ANKRD44: variants seen among roughly 807,000 people sequenced by gnomAD.
The protein encoded by ANKRD44 is ankyrin repeat domain 44.
In ANKRD44, 35 loss-of-function variants were observed where a neutral mutation model predicts 116.0. The ratio of observed to expected loss-of-function variants is 0.30; its 90% CI spans 0.23 to 0.40. ANKRD44 has a LOEUF of 0.40. ANKRD44 is among the 10% of genes least tolerant of loss of function. The pLI is 1.00. For synonymous variants in ANKRD44, 435 were observed against 461.8 expected (o/e 0.94, Z 0.74); for missense variants, 1,014 against 1,242.6 (o/e 0.82, Z 2.77).
intron 1 of ANKRD44, among the ~76,000 whole-genome samples, chr2:197,232,181 C>G (rs148067603): frequency 4.5e-4 from 68 of 152,260 alleles, no homozygotes; most frequent in African/African-American, 1.6e-3. Context: ...CAAAGCTTCA[C>G]CTTAGTAAGT....
chr2:197,025,278 A>G lies in ANKRD44; in HGVS notation c.1651-11T>C. 1 of 1,607,946 alleles carries G rather than the reference A, an allele frequency of 6.2e-7. No homozygotes were observed. Among genetic ancestry groups the G allele is most frequent in the Non-Finnish European group, 8.5e-7 (1 of 1,175,044 alleles). ...TGTTCTTTCCAAAAGCTGTGGAGAC[A>G]AAAAGCAAACAATAGTACGTGAGTC... On this transcript the variant is annotated splice_polypyrimidine_tract_variant and intron_variant, in intron 16 of 27. Transcript: ENST00000282272.
chr2:197,125,477 T>A lies in ANKRD44; in HGVS notation c.463-9A>T, dbSNP rs2078955032. 1 of 1,611,636 alleles carries A rather than the reference T, an allele frequency of 6.2e-7. No homozygotes were observed. The highest frequency in any genetic ancestry group is 1.3e-5 in the African/African-American group (1 of 74,886). Reference sequence around the variant, plus strand: ...AAGAGTAAATTGACCATCTGAAAGATAACCAACAATGAAATCAAGCATACA... The same window carrying A: ...AAGAGTAAATTGACCATCTGAAAGAAAACCAACAATGAAATCAAGCATACA... On this transcript the variant is annotated splice_polypyrimidine_tract_variant and intron_variant, in intron 5 of 27. Coordinates refer to ENST00000282272, the MANE Select transcript of ANKRD44 (RefSeq NM_001195144.2).
Position 197,187,106 on chromosome 2 carries a change from G to C in ANKRD44, c.28C>G (p.Pro10Ala). The C allele has an allele frequency of 6.8e-6, 11 of 1,614,018 alleles. No individual in the cohort carries two copies. Among genetic ancestry groups the C allele is most frequent in the Non-Finnish European group, 8.5e-6 (10 of 1,179,928 alleles). The change falls in exon 2 of 28, where the codon CCA becomes GCA. Residue 10 changes from proline to alanine, a missense_variant and splice_region_variant. Pro to Ala is a conservative substitution (Grantham distance 27). Coordinates refer to ENST00000282272, the MANE Select transcript of ANKRD44 (RefSeq NM_001195144.2). The stretch of plus-strand genomic sequence containing the variant: ...CTGAAGATTGCCTGAACCAATGGTG[G>C]CTGCAAACACAAGAGAATGGGAATC... MAVLKLTDQ[P>A]PLVQAIFSGD...
chr2:197,279,103 G>C (rs1284769644), intron 1 of ANKRD44, among the ~76,000 whole-genome samples: 1 of 152,220 alleles, frequency 6.6e-6, no homozygotes, highest in Non-Finnish European at 1.5e-5. Flanking sequence ...AAGCTTAGCA[G>C]TGCTGTATTT....
chr2:197,172,294 G>A (rs917892200), intron 2 of ANKRD44, among the ~76,000 whole-genome samples: 5 of 151,582 alleles, frequency 3.3e-5, no homozygotes, highest in African/African-American at 7.3e-5. Context: ...GAGCCACCAC[G>A]CCCGGCCCCA....
chr2:197,241,849 A>AGAG (rs1186002226), intron 1 of ANKRD44, among the ~76,000 whole-genome samples: 14 of 152,174 alleles, frequency 9.2e-5, no homozygotes, highest in Admixed American at 1.3e-4. Context: ...AACTCTTTAA[A>AGAG]GAGTTCCTCC....
chr2:197,164,888 T>C (rs908440233), intron 2 of ANKRD44, among the ~76,000 whole-genome samples: 3 of 152,104 alleles, frequency 2.0e-5, no homozygotes, highest in Non-Finnish European at 4.4e-5. Flanking sequence ...TACATCCTAG[T>C]GGGCCCTGGA....
intron 1 of ANKRD44, among the ~76,000 whole-genome samples, chr2:197,268,576 A>G (rs1417689077): frequency 6.6e-6 from 1 of 152,254 alleles, no homozygotes; most frequent in Non-Finnish European, 1.5e-5. Flanking sequence ...TTGTAGTCAC[A>G]TGGCGTGGAT....
Position 197,280,002 on chromosome 2 carries a change from A to G in ANKRD44, c.27+30576T>C, listed in dbSNP as rs141257806. On this transcript the variant is annotated intron_variant, in intron 1 of 27. Coordinates refer to ENST00000282272, the MANE Select transcript of ANKRD44 (RefSeq NM_001195144.2). ...CTACTATAAGAATTTCGTCCTCCCT[A>G]GTATTAATGGTTTATGAGACACTTC... Among the ~76,000 whole-genome samples, 14 of 152,288 alleles carry G rather than the reference A, an allele frequency of 9.2e-5. No individual in the cohort carries two copies. The East Asian group carries it at 2.5e-3, about 27-fold the overall frequency.
chr2:197,185,271 G>C (rs1172804971), intron 2 of ANKRD44, among the ~76,000 whole-genome samples: 1 of 152,210 alleles, frequency 6.6e-6, no homozygotes, highest in Non-Finnish European at 1.5e-5. Context: ...ACAAACCATT[G>C]TCCTGTTGTG....
chr2:196,992,150 T>G (rs2075930030), intron 27 of ANKRD44, among the ~76,000 whole-genome samples: 1 of 152,214 alleles, frequency 6.6e-6, no homozygotes, highest in Admixed American at 6.5e-5. Context: ...CCTTCTCAGC[T>G]GGCCAAAGTT....
At chr2:197,070,557 C>A (rs1276009558) in intron 16 of ANKRD44, among the ~76,000 whole-genome samples, 1 of 152,106 alleles carries the variant, frequency 6.6e-6, no homozygotes, top group Non-Finnish European at 1.5e-5. Context: ...GACTGATTTT[C>A]AAATATTGAA....
rs1005666254 is a variant in ANKRD44 at position 197,009,414 on chromosome 2, C to T, written c.1925-383G>A. The stretch of plus-strand genomic sequence containing the variant: ...CTTCTGAGACAGAATCTCACTCTGT[C>T]GTCCAGGCTGGAGTGCAATGATATG... On this transcript the variant is annotated intron_variant, in intron 18 of 27. Transcript: ENST00000282272. Among the ~76,000 whole-genome samples the T allele has an allele frequency of 3.3e-5, 5 of 149,622 alleles. No individual in the cohort carries two copies. In the South Asian group the frequency reaches 6.4e-4, roughly 19 times the overall value.
intron 21 of ANKRD44, among the ~76,000 whole-genome samples, chr2:196,968,052 TC>T (rs1196199236): frequency 6.6e-6 from 1 of 152,104 alleles, no homozygotes; most frequent in Non-Finnish European, 1.5e-5. Context: ...GCACCACACT[TC>T]CGGTAAAGCC....
rs2075858759 is a variant in ANKRD44, at chr2:196,988,061, A to G, written c.*1530T>C. Reference sequence around the variant, plus strand: ...CATTTCGTTCCTTTGTCCTCCTTCTATGAGTAAGAGAGTGGGAAAAGTCAA... The same window carrying G: ...CATTTCGTTCCTTTGTCCTCCTTCTGTGAGTAAGAGAGTGGGAAAAGTCAA... On this transcript the variant is annotated 3_prime_UTR_variant, in exon 28 of 28. Coordinates refer to ENST00000282272, the MANE Select transcript of ANKRD44 (RefSeq NM_001195144.2). 1 of 985,258 alleles carries G rather than the reference A, an allele frequency of 1.0e-6. No individual in the cohort carries two copies. The highest frequency in any genetic ancestry group is 1.1e-4 in the East Asian group (1 of 8,826). 61.0% of individuals were successfully genotyped at this position (985,258 alleles called of 1,614,324 possible).
chr2:196,989,331 A>G lies in ANKRD44; in HGVS notation c.*260T>C. ...ATCAGTTACAAATGTTAAGTGGTCAACTAGAAATCTGTGTCCTAAGAAATA... is the reference window on the plus strand; with the variant it reads ...ATCAGTTACAAATGTTAAGTGGTCAGCTAGAAATCTGTGTCCTAAGAAATA... On this transcript the variant is annotated 3_prime_UTR_variant, in exon 28 of 28. Transcript: ENST00000282272. 9.6e-7 allele frequency: 1 copy of G among 1,045,354 alleles called. No homozygotes were observed. Among genetic ancestry groups the G allele is most frequent in the Non-Finnish European group, 1.2e-6 (1 of 869,122 alleles). 64.8% of individuals were successfully genotyped at this position (1,045,354 alleles called of 1,614,324 possible). A position where few individuals can be genotyped will look rare whatever the true frequency, so the allele number is the denominator to read the frequency against.
intron 21 of ANKRD44, among the ~76,000 whole-genome samples, chr2:196,978,824 A>G (rs1236626085): frequency 6.6e-6 from 1 of 150,568 alleles, no homozygotes; most frequent in Non-Finnish European, 1.5e-5. Flanking sequence ...ATTTTGAACC[A>G]TGGGCCATAG....
chr2:197,220,186 T>G (rs1219114710), intron 1 of ANKRD44, among the ~76,000 whole-genome samples: 2 of 152,204 alleles, frequency 1.3e-5, no homozygotes, highest in Admixed American at 6.5e-5. Flanking sequence ...AGGCCTTAAT[T>G]CCCTCACAGC....
chr2:197,045,968 G>A (rs1056367587), intron 16 of ANKRD44, among the ~76,000 whole-genome samples: 2 of 152,102 alleles, frequency 1.3e-5, no homozygotes, highest in East Asian at 1.9e-4. Flanking sequence ...ATAACCAACC[G>A]ACATTTCAGT....
Sources: gnomAD v4.1 joint callset for allele counts (sites outside exome capture counted in the v4.1 genomes callset) on GRCh38, gnomAD v4.1.1 for gene constraint, MANE v1.5 for transcripts, NCBI Gene and HGNC (gene_info 2026-07-23, HGNC 2026-07-21) for gene names.